Variants in ZNF469 observed in about 807,000 individuals in gnomAD.
ZNF469 encodes the protein zinc finger protein 469.
A neutral mutation model predicts 1.0 loss-of-function variants in ZNF469; 1 was observed. That is an observed-to-expected ratio of 1.00 (90% CI 0.35 to 4.73). The LOEUF (loss-of-function observed/expected upper bound fraction) is 4.73. ZNF469 is among the 30% of genes most tolerant of loss of function. The pLI, the probability that ZNF469 is intolerant of heterozygous loss-of-function variation, is 0.16. For missense variants in ZNF469, 6,100 were observed against 5,356.3 expected (o/e 1.14, Z -4.33); for synonymous variants, 2,703 against 2,363.4 (o/e 1.14, Z -4.17).
the ZNF469 span, among the ~76,000 whole-genome samples, chr16:88,147,104 C>G: frequency 6.6e-6 from 1 of 152,192 alleles, no homozygotes; most frequent in South Asian, 2.1e-4. Flanking sequence ...AGGGAGAGGA[C>G]CCTGGATTCC....
chr16:88,114,254 C>T, the ZNF469 span, among the ~76,000 whole-genome samples: 17 of 132,700 alleles, frequency 1.3e-4, 1 homozygote, highest in Non-Finnish European at 2.6e-4. Context: ...TCACTCACTG[C>T]GGGTGTCTCC....
At chr16:88,128,264 T>C in the ZNF469 span, among the ~76,000 whole-genome samples, 9 of 151,814 alleles carry the variant, frequency 5.9e-5, no homozygotes, top group Non-Finnish European at 1.0e-4. Flanking sequence ...CTCGGGGGGC[T>C]GTCAGGAGAA....
chr16:88,409,084 T>C (rs1021148589), intron 1 of ZNF469, among the ~76,000 whole-genome samples: 19 of 152,128 alleles, frequency 1.2e-4, no homozygotes, highest in African/African-American at 4.6e-4. Context: ...AGCTTCTCTC[T>C]GGGGGCCCCT....
the ZNF469 span, among the ~76,000 whole-genome samples, chr16:88,296,139 G>A: frequency 7.7e-3 from 1,165 of 152,260 alleles, 18 homozygotes; most frequent in African/African-American, 0.027. Flanking sequence ...GAATTTCCCC[G>A]AGAGTGGCCC....
the ZNF469 span, among the ~76,000 whole-genome samples, chr16:88,132,414 G>A: frequency 2.6e-5 from 4 of 152,304 alleles, no homozygotes; most frequent in South Asian, 2.1e-4. Context: ...CACCCAGAGC[G>A]CCGCGTAGCC....
the ZNF469 span, among the ~76,000 whole-genome samples, chr16:88,276,270 A>C: frequency 6.6e-6 from 1 of 152,120 alleles, no homozygotes; most frequent in Non-Finnish European, 1.5e-5. Flanking sequence ...AAACCATCCA[A>C]GCACACTCGC....
the ZNF469 span, among the ~76,000 whole-genome samples, chr16:88,296,491 G>A: frequency 1.4e-5 from 2 of 147,046 alleles, no homozygotes. Context: ...ACACATATGT[G>A]CACACTCACA....
chr16:88,323,012 C>T, the ZNF469 span, among the ~76,000 whole-genome samples: 2 of 152,374 alleles, frequency 1.3e-5, no homozygotes, highest in South Asian at 2.1e-4. Context: ...CACCCAGCCA[C>T]GGCCATCTGG....
At chr16:88,357,100 G>T in the ZNF469 span, among the ~76,000 whole-genome samples, 3 of 152,350 alleles carry the variant, frequency 2.0e-5, no homozygotes, top group Non-Finnish European at 2.9e-5. Flanking sequence ...GACCCGGGCC[G>T]GGCTGGCCCT....
the ZNF469 span, among the ~76,000 whole-genome samples, chr16:88,313,182 A>G: frequency 5.9e-5 from 9 of 152,030 alleles, no homozygotes; most frequent in African/African-American, 1.2e-4. Flanking sequence ...TTTTTCTGAG[A>G]TATCTTTTTG....
chr16:88,352,819 T>C, the ZNF469 span, among the ~76,000 whole-genome samples: 112 of 152,222 alleles, frequency 7.4e-4, no homozygotes, highest in Non-Finnish European at 6.0e-4. Flanking sequence ...GCCTCACAGC[T>C]CTGATGGCTG....
At chr16:88,340,893 G>A in the ZNF469 span, among the ~76,000 whole-genome samples, 36 of 152,050 alleles carry the variant, frequency 2.4e-4, no homozygotes, top group Admixed American at 6.5e-4. Flanking sequence ...AGGAGAGCCC[G>A]GGGGCCTAGC....
rs1194732406 is a variant in ZNF469 at position 88,428,965 on chromosome 16, G to C, written c.1495G>C (p.Glu499Gln). ...PTARPSPHGM[E>Q]MLSRLPFPAG... ...CGCCCGGCCAAGTCCCCACGGAATG[G>C]AGATGCTGAGCCGGCTGCCTTTCCC... The change falls in exon 3 of 3, where the codon GAG (glutamate) becomes CAG (glutamine). Residue 499 changes from glutamate to glutamine, a missense_variant. Coordinates refer to ENST00000565624, the MANE Select transcript of ZNF469 (RefSeq NM_001367624.2). The C allele has an allele frequency of 1.9e-6, 3 of 1,548,288 alleles. No individual in the cohort carries two copies. The highest frequency in any genetic ancestry group is 1.4e-5 in the African/African-American group (1 of 73,006).
At chr16:88,255,996 G>C in the ZNF469 span, among the ~76,000 whole-genome samples, 1 of 152,156 alleles carries the variant, frequency 6.6e-6, no homozygotes. Context: ...ATTCCCCTTG[G>C]GTTGGATTTA....
At chr16:88,415,866 G>A (rs1453326376) in intron 1 of ZNF469, among the ~76,000 whole-genome samples, 4 of 152,308 alleles carry the variant, frequency 2.6e-5, no homozygotes, top group Middle Eastern at 3.4e-3. Context: ...GCACACAGTC[G>A]GTGCTCATAG....
At chr16:88,237,168 C>T in the ZNF469 span, among the ~76,000 whole-genome samples, 207 of 81,056 alleles carry the variant, frequency 2.6e-3, no homozygotes, top group South Asian at 8.2e-3. Context: ...CCCTGCCCTC[C>T]TTGCTCCTGC....
rs1347184159 is a variant in ZNF469, at chr16:88,437,421, C to T, written c.9951C>T (p.Ala3317=). 1 of 1,522,190 alleles carries T rather than the reference C, an allele frequency of 6.6e-7. No individual in the cohort carries two copies. Among genetic ancestry groups the T allele is most frequent in the Non-Finnish European group, 8.8e-7 (1 of 1,131,782 alleles). The allele number at this position is 1,522,190 out of a possible 1,614,324, so 94.3% of individuals were successfully genotyped here. ...TTPSPSPDPW[A]GGEPLLQATP... is the part of the protein sequence containing the mutation. The stretch of plus-strand genomic sequence containing the variant: ...CCAGCCCGTCCCCCGACCCCTGGGC[C>T]GGCGGGGAGCCCCTCCTGCAAGCCA... Residue 3317 remains alanine (A), a synonymous_variant, in exon 3 of 3, where the codon GCC becomes GCT. Coordinates refer to ENST00000565624, the MANE Select transcript of ZNF469 (RefSeq NM_001367624.2).
In ZNF469 at chr16:88,432,451, C is replaced by T. The variant is rs1217671399; in HGVS notation, c.4981C>T (p.Pro1661Ser). ...QGRPGGTWPC[P>S]ASFHPGHAAL... ...GAGGCCTGGGGGGACGTGGCCCTGC[C>T]CAGCCTCCTTCCATCCGGGACATGC... Residue 1661 changes from proline (P) to serine (S), a missense_variant, in exon 3 of 3, where the codon CCA (proline) becomes TCA (serine). Transcript: ENST00000565624. 1 of 1,550,292 alleles carries T rather than the reference C, an allele frequency of 6.5e-7. No individual in the cohort carries two copies. The highest frequency in any genetic ancestry group is 8.7e-7 in the Non-Finnish European group (1 of 1,146,972).
chr16:88,429,189 C>G lies in ZNF469; in HGVS notation c.1719C>G (p.His573Gln), dbSNP rs552893295. 6.5e-7 allele frequency: 1 copy of G among 1,549,888 alleles called. No individual in the cohort carries two copies. The part of the protein sequence containing the change: ...FGVAQPQVSP[H>Q]GTPSLPPPRV... The stretch of plus-strand genomic sequence containing the variant: ...TGGCCCAGCCCCAGGTTTCACCCCA[C>G]GGGACACCCAGCCTGCCCCCACCGA... Residue 573 changes from histidine (H) to glutamine (Q), a missense_variant, in exon 3 of 3, where the codon CAC (histidine) becomes CAG (glutamine). By Grantham distance (24) the His-to-Gln change is conservative. Transcript: ENST00000565624.
Sources: allele counts gnomAD v4.1 joint callset (sites outside exome capture counted in the v4.1 genomes callset), GRCh38; gene constraint gnomAD v4.1.1; transcripts MANE v1.5; gene names NCBI Gene and HGNC (gene_info 2026-07-23, HGNC 2026-07-21).